GRIK5: variants seen among roughly 807,000 people sequenced by gnomAD.
GRIK5 encodes glutamate ionotropic receptor kainate type subunit 5, also known as glutamate receptor ionotropic, kainate 5.
In GRIK5, 43 loss-of-function variants were observed where a neutral mutation model predicts 97.4. That is an observed-to-expected ratio of 0.44 (90% CI 0.35 to 0.57). The LOEUF (loss-of-function observed/expected upper bound fraction) is 0.57, where lower values mean the gene tolerates loss of function less well. Among genes scored for constraint, GRIK5 ranks in the 20% least tolerant of loss-of-function variants. GRIK5 has a pLI of 0.01. For missense variants in GRIK5, 1,015 were observed against 1,382.0 expected (o/e 0.73, Z 4.21); for synonymous variants, 580 against 583.5 (o/e 0.99, Z 0.09).
intron 11 of GRIK5, among the ~76,000 whole-genome samples, chr19:42,048,823 G>A (rs1396981835): frequency 6.6e-6 from 1 of 151,964 alleles, no homozygotes; most frequent in African/African-American, 2.4e-5. Flanking sequence ...TGGATCCCTT[G>A]AGCCCAGGAG....
In GRIK5 at chr19:42,042,398, G is replaced by A. The variant is rs373062696; in HGVS notation, c.1473+154C>T. Among the ~76,000 whole-genome samples, 14 of 152,286 alleles carry A rather than the reference G, an allele frequency of 9.2e-5. No homozygotes were observed. Among genetic ancestry groups the A allele is most frequent in the African/African-American group, 2.6e-4 (11 of 41,560 alleles). On this transcript the variant is annotated intron_variant, in intron 12 of 19. Coordinates refer to ENST00000593562, the MANE Select transcript of GRIK5 (RefSeq NM_002088.5). This position sits in a 1 kb window ranked among gnomAD's most constrained non-coding sequence, Gnocchi z 6.9. The stretch of plus-strand genomic sequence containing the variant: ...CACCCGCCAGGCACAGGCATACAGC[G>A]CAACATCAGTGAGGTGGTGTCAGGG...
intron 15 of GRIK5, among the ~76,000 whole-genome samples, chr19:42,013,814 G>A (rs2146033374): frequency 6.6e-6 from 1 of 152,206 alleles, no homozygotes; most frequent in African/African-American, 2.4e-5. Flanking sequence ...GACTGCTTGA[G>A]CCCAAGAGTT....
chr19:42,045,552 C>T (rs2076032887), intron 11 of GRIK5, among the ~76,000 whole-genome samples: 1 of 152,174 alleles, frequency 6.6e-6, no homozygotes, highest in Admixed American at 6.5e-5. Flanking sequence ...GGTGGTTTGT[C>T]ACACAGTAAT....
chr19:42,003,647 A>G lies in GRIK5; in HGVS notation c.2300T>C (p.Leu767Pro). 6.2e-7 allele frequency: 1 copy of G among 1,613,706 alleles called. No individual in the cohort carries two copies. Among genetic ancestry groups the G allele is most frequent in the Non-Finnish European group, 8.5e-7 (1 of 1,179,788 alleles). ...PFRDEITLAILQLQENNRLEI... is the reference protein window; with the variant it reads ...PFRDEITLAIPQLQENNRLEI... The stretch of plus-strand genomic sequence containing the variant: ...CAGCCGGTTGTTCTCCTGAAGCTGC[A>G]GGATGGCCAGTGTGATCTCATCCCG... The change falls in exon 18 of 20, where the codon CTG becomes CCG. Residue 767 changes from leucine (L) to proline (P), a missense_variant. Transcript: ENST00000593562. This position sits in a 1 kb window ranked among gnomAD's most constrained non-coding sequence, Gnocchi z 4.2.
intron 11 of GRIK5, among the ~76,000 whole-genome samples, chr19:42,050,809 G>A (rs1053493819): frequency 2.6e-5 from 4 of 151,656 alleles, no homozygotes; most frequent in East Asian, 1.9e-4. Flanking sequence ...CAGGGCTTCT[G>A]TGAAGATTGT....
At position 42,042,313 on chromosome 19, in the gene GRIK5, C is replaced by T. The variant is rs1250475339; in HGVS notation, c.1473+239G>A. Among the ~76,000 whole-genome samples the T allele has an allele frequency of 6.6e-6, 1 of 152,242 alleles. No individual in the cohort carries two copies. The highest frequency in any genetic ancestry group is 1.5e-5 in the Non-Finnish European group (1 of 68,038). On this transcript the variant is annotated intron_variant, in intron 12 of 19. Coordinates refer to ENST00000593562, the MANE Select transcript of GRIK5 (RefSeq NM_002088.5). The surrounding 1 kb of genome is among the most constrained non-coding windows in gnomAD (Gnocchi z 6.9). ...AAGGTGGCATGAAAGGGGCATTTGGCAAAGCAGGACACAGGTGGTGATGCA... is the reference window on the plus strand; with the variant it reads ...AAGGTGGCATGAAAGGGGCATTTGGTAAAGCAGGACACAGGTGGTGATGCA...
At chr19:42,010,161 C>T (rs1599752076) in intron 15 of GRIK5, among the ~76,000 whole-genome samples, 1 of 151,576 alleles carries the variant, frequency 6.6e-6, no homozygotes, top group East Asian at 1.9e-4. Flanking sequence ...AAAATGAGCA[C>T]AGAGCCTCAA....
chr19:42,065,401 T>A lies in GRIK5; in HGVS notation c.80-14A>T. 6.4e-7 allele frequency: 1 copy of A among 1,569,506 alleles called. No individual in the cohort carries two copies. Among genetic ancestry groups the A allele is most frequent in the Non-Finnish European group, 8.7e-7 (1 of 1,155,766 alleles). On this transcript the variant is annotated splice_polypyrimidine_tract_variant and intron_variant, in intron 2 of 19. Transcript: ENST00000593562. The surrounding 1 kb of genome is among the most constrained non-coding windows in gnomAD (Gnocchi z 5.8). ...CCAGGATTGCAGCTGAGGGGACACA[T>A]GGGTTGGGGACCAGACTCCTGAGTC...
intron 5 of GRIK5, among the ~76,000 whole-genome samples, chr19:42,059,813 T>G (rs1489021767): frequency 6.6e-6 from 1 of 152,098 alleles, no homozygotes; most frequent in Non-Finnish European, 1.5e-5. Context: ...TTAATCTCCT[T>G]GCTCAACCAC....
At position 42,027,683 on chromosome 19, in the gene GRIK5, T is replaced by C. The variant is rs543950404; in HGVS notation, c.1474-5329A>G. ...CAGGACTGAGTGGCAGCACTGGTGG[T>C]GGAGAGAGACAGTGAGATTTGGGTC... On this transcript the variant is annotated intron_variant, in intron 12 of 19. Coordinates refer to ENST00000593562, the MANE Select transcript of GRIK5 (RefSeq NM_002088.5). Among the ~76,000 whole-genome samples, 10 of 152,312 alleles carry C rather than the reference T, an allele frequency of 6.6e-5. No individual in the cohort carries two copies. The South Asian group carries it at 2.1e-3, about 32-fold the overall frequency.
In GRIK5 at chr19:42,002,299, G is replaced by A. The variant is rs1304319042; in HGVS notation, c.2514+1033C>T. 4 of 717,518 alleles carry A rather than the reference G, an allele frequency of 5.6e-6. No individual in the cohort carries two copies. Among genetic ancestry groups the A allele is most frequent in the Non-Finnish European group, 1.0e-5 (4 of 385,116 alleles). 44.4% of individuals were successfully genotyped at this position (717,518 alleles called of 1,614,324 possible). On this transcript the variant is annotated intron_variant, in intron 19 of 19. Transcript: ENST00000593562. The surrounding 1 kb of genome is among the most constrained non-coding windows in gnomAD (Gnocchi z 5.2). ...AAGTGGGCGGTGGCTGGGAGGGAAAGTGAGGTCAGGAGAGGGTTTAAGACT... is the reference window on the plus strand; with the variant it reads ...AAGTGGGCGGTGGCTGGGAGGGAAAATGAGGTCAGGAGAGGGTTTAAGACT...
rs782550056 is a variant in GRIK5 at position 42,006,762 on chromosome 19, G to A, written c.1920C>T (p.Ala640=). 8.1e-6 allele frequency: 13 copies of A among 1,613,362 alleles called. No individual in the cohort carries two copies. The highest frequency in any genetic ancestry group is 4.5e-5 in the East Asian group (2 of 44,872). Residue 640 remains alanine, a synonymous_variant, in exon 16 of 20, where the codon GCC becomes GCT. Coordinates refer to ENST00000593562, the MANE Select transcript of GRIK5 (RefSeq NM_002088.5). This position sits in a 1 kb window ranked among gnomAD's most constrained non-coding sequence, Gnocchi z 5.3. ...CCATGCGCTGCACGGTGAGGAAGGC[G>A]GCCAGGTTGGCCGTGTAGGAGGAGA... ...IIISSYTANL[A]AFLTVQRMEV...
intron 1 of GRIK5, among the ~76,000 whole-genome samples, chr19:42,066,113 C>T (rs921836203): frequency 5.9e-5 from 9 of 152,196 alleles, no homozygotes; most frequent in Non-Finnish European, 1.2e-4. Flanking sequence ...GGGAGGCGTG[C>T]GAGGTTCTCA....
chr19:41,998,986 C>T lies in GRIK5; in HGVS notation c.2828G>A (p.Arg943Gln). 6 of 1,202,644 alleles carry T rather than the reference C, an allele frequency of 5.0e-6. No homozygotes were observed. Among genetic ancestry groups the T allele is most frequent in the Non-Finnish European group, 6.2e-6 (6 of 962,314 alleles). 74.5% of individuals were successfully genotyped at this position (1,202,644 alleles called of 1,614,324 possible). Residue 943 changes from arginine (R) to glutamine (Q), a missense_variant, in exon 20 of 20, where the codon CGG (arginine) becomes CAG (glutamine). Transcript: ENST00000593562. ...CQECRRIQAL[R>Q]ASGAGAPPRG... Reference sequence around the variant, plus strand: ...CGGAGGCGCGCCGGCCCCCGAGGCCCGCAGCGCCTGGATGCGCCGGCACTC... The same window carrying T: ...CGGAGGCGCGCCGGCCCCCGAGGCCTGCAGCGCCTGGATGCGCCGGCACTC...
At position 41,998,710 on chromosome 19, in the gene GRIK5, A is replaced by T; in HGVS notation, c.*161T>A. On this transcript the variant is annotated 3_prime_UTR_variant, in exon 20 of 20. Transcript: ENST00000593562. ...GGGGGCGCAGGCGGGCTCCAGAGCC[A>T]GGCCTCGGACTTCGCGGGGAACCAA... is the stretch of plus-strand genomic sequence containing the variant. The T allele has an allele frequency of 4.2e-6, 1 of 235,372 alleles. No individual in the cohort carries two copies. Among genetic ancestry groups the T allele is most frequent in the Non-Finnish European group, 7.6e-6 (1 of 131,984 alleles). The allele number at this position is 235,372 out of a possible 1,614,324, so 14.6% of individuals were successfully genotyped here.
chr19:42,042,604 GC>G lies in GRIK5; in HGVS notation c.1420del (p.Ala474ArgfsTer44). On this transcript the variant is annotated frameshift_variant, in exon 12 of 20. Coordinates refer to ENST00000593562, the MANE Select transcript of GRIK5 (RefSeq NM_002088.5). LOFTEE classifies it high-confidence loss of function. This position sits in a 1 kb window ranked among gnomAD's most constrained non-coding sequence, Gnocchi z 6.9. ...LRLVEDGLYGAPEPNGSWTGM... is the reference protein window; with the variant it reads ...LRLVEDGLYGXPEPNGSWTGM... ...CGTCCAGGAGCCGTTGGGCTCGGGC[GC>G]CCCGTACAGCCCATCCTCCACCAAC... The G allele has an allele frequency of 6.2e-7, 1 of 1,612,372 alleles. No homozygotes were observed.
intron 11 of GRIK5, among the ~76,000 whole-genome samples, chr19:42,048,870 C>G (rs894852165): frequency 2.0e-5 from 3 of 151,728 alleles, no homozygotes; most frequent in African/African-American, 7.3e-5. Context: ...AAAACCCTGT[C>G]AATTAAAAAA....
rs1555872324 is a variant in GRIK5 at position 42,005,707 on chromosome 19, C to A, written c.2263+16G>T. 1.3e-6 allele frequency: 2 copies of A among 1,580,972 alleles called. No individual in the cohort carries two copies. The highest frequency in any genetic ancestry group is 4.5e-5 in the East Asian group (2 of 44,622). Reference sequence around the variant, plus strand: ...GCCCACGGCCCTGCTGTGTTCCACACCGTGCTGTGCCGTACCCAGCGGCAT... The same window carrying A: ...GCCCACGGCCCTGCTGTGTTCCACAACGTGCTGTGCCGTACCCAGCGGCAT... On this transcript the variant is annotated intron_variant, in intron 17 of 19. Transcript: ENST00000593562.
At position 42,056,941 on chromosome 19, in the gene GRIK5, T is replaced by C; in HGVS notation, c.725A>G (p.Tyr242Cys). The C allele has an allele frequency of 3.8e-6, 6 of 1,575,712 alleles. No individual in the cohort carries two copies. Among genetic ancestry groups the C allele is most frequent in the Non-Finnish European group, 5.2e-6 (6 of 1,160,452 alleles). ...ELGMTSAFYK[Y>C]ILTTMDFPIL... ...CATACACACCATGGTGGTGAGGATG[T>C]ACTTGTAAAACGCTGAGGTCATTCC... Residue 242 changes from tyrosine (Y) to cysteine (C), a missense_variant, in exon 7 of 20, where the codon TAC becomes TGC. By Grantham distance (194) the Tyr-to-Cys change is radical (BLOSUM62 -2). This residue lies in a region of GRIK5 where 477 missense variants were observed against 701.1 expected (regional missense o/e 0.68). Transcript: ENST00000593562.
Sources: allele counts gnomAD v4.1 joint callset (sites outside exome capture counted in the v4.1 genomes callset), GRCh38; gene constraint gnomAD v4.1.1; regional missense constraint gnomAD v4.1.1; non-coding constraint Gnocchi (gnomAD v3.1); transcripts MANE v1.5; gene names NCBI Gene and HGNC (gene_info 2026-07-23, HGNC 2026-07-21).